Variants in VPS8 observed in about 807,000 individuals in gnomAD.
The protein encoded by VPS8 is VPS8 subunit of CORVET complex.
Under a neutral mutation model 216.4 loss-of-function variants are expected in VPS8, and 129 were observed. The observed-to-expected ratio is 0.60, with a 90% confidence interval of 0.52 to 0.69. The LOEUF (loss-of-function observed/expected upper bound fraction) is 0.69. Among genes scored for constraint, VPS8 ranks in the 30% least tolerant of loss-of-function variants. The probability of loss-of-function intolerance (pLI) is 0.00; values close to 1 mark genes in which losing one functional copy is unlikely to be tolerated. For synonymous variants in VPS8, 571 were observed against 565.4 expected (o/e 1.01, Z -0.14); for missense variants, 1,531 against 1,683.5 (o/e 0.91, Z 1.59).
intron 21 of VPS8, among the ~76,000 whole-genome samples, chr3:184,873,607 G>A (rs1345868654): frequency 6.6e-6 from 1 of 151,988 alleles, no homozygotes; most frequent in Non-Finnish European, 1.5e-5. Context: ...TTCAAGCAGT[G>A]GGCTTCAGGG....
At chr3:184,839,849 C>T (rs1021478157) in intron 7 of VPS8, 97 bp downstream of exon 7, 1 of 1,459,094 alleles carries the variant, frequency 6.9e-7, no homozygotes, top group Non-Finnish European at 9.0e-7. Flanking sequence ...ACTTGATTTT[C>T]TTGAACAAAA....
chr3:184,958,675 G>A (rs1746007864), intron 37 of VPS8, among the ~76,000 whole-genome samples: 1 of 152,148 alleles, frequency 6.6e-6, no homozygotes, highest in African/African-American at 2.4e-5. Flanking sequence ...GTGATTCCAA[G>A]TCAGAAAAAT....
At chr3:184,820,305 C>G (rs1025127889) in intron 1 of VPS8, among the ~76,000 whole-genome samples, 3 of 152,168 alleles carry the variant, frequency 2.0e-5, no homozygotes, top group Non-Finnish European at 4.4e-5. Flanking sequence ...TAGAGGCTGC[C>G]TGCATCCTTG....
At chr3:184,956,727 A>G (rs956365823) in intron 36 of VPS8, among the ~76,000 whole-genome samples, 1 of 152,186 alleles carries the variant, frequency 6.6e-6, no homozygotes, top group African/African-American at 2.4e-5. Flanking sequence ...TTGTGTAGGC[A>G]TTGTGAATAG....
chr3:184,868,853 A>C, intron 18 of VPS8, 93 bp from the exon 19 acceptor site: 2 of 1,067,492 alleles, frequency 1.9e-6, no homozygotes, highest in Non-Finnish European at 2.7e-6. Flanking sequence ...GCCACTAAGC[A>C]GCAACTTCTG....
At position 185,019,323 on chromosome 3, in the gene VPS8, C is replaced by G. The variant is rs188084899; in HGVS notation, c.4003-5013C>G. ...ACCAGCTCGGTCAGGGAGACCCTAA[C>G]CCAGCGGCACTAGAGGAATTAAAGA... On this transcript the variant is annotated intron_variant, in intron 45 of 47. Coordinates refer to ENST00000625842, the MANE Select transcript of VPS8 (RefSeq NM_001009921.3). Among the ~76,000 whole-genome samples the G allele has an allele frequency of 3.6e-3, 550 of 152,068 alleles. 3 individuals carry two copies. The highest frequency in any genetic ancestry group is 3.0e-3 in the Non-Finnish European group (201 of 68,008).
chr3:184,916,968 T>G (rs1369589695), intron 28 of VPS8, among the ~76,000 whole-genome samples: 3 of 152,170 alleles, frequency 2.0e-5, no homozygotes, highest in Non-Finnish European at 4.4e-5. Flanking sequence ...TTATCTTCAT[T>G]AGGGGATGCA....
In VPS8 at chr3:184,894,544, A is replaced by G. The variant is rs562282872; in HGVS notation, c.1782-159A>G. Among the ~76,000 whole-genome samples, 836 of 149,014 alleles carry G rather than the reference A, an allele frequency of 5.6e-3. 3 individuals carry two copies. The highest frequency in any genetic ancestry group is 9.6e-3 in the Non-Finnish European group (643 of 67,304). On this transcript the variant is annotated intron_variant, in intron 22 of 47. Transcript: ENST00000625842. ...TATATATATATATACACACACACAC[A>G]AAGTTTTTGCAGTATAAAACTCTGT...
intron 2 of VPS8, 83 bp from the exon 3 acceptor site, chr3:184,826,079 TG>T: frequency 1.1e-6 from 1 of 912,066 alleles, no homozygotes; most frequent in Non-Finnish European, 1.7e-6. Context: ...TTTTAATTGA[TG>T]GTGGTTTTAA....
chr3:184,956,042 G>C (rs1028206928), intron 36 of VPS8, among the ~76,000 whole-genome samples: 43 of 151,844 alleles, frequency 2.8e-4, no homozygotes, highest in African/African-American at 1.0e-3. Flanking sequence ...CCATCAGCAA[G>C]TATTGAAAGT....
chr3:184,936,122 G>A (rs1474192242), intron 34 of VPS8, 124 bp from the exon 35 acceptor site: 5 of 698,266 alleles, frequency 7.2e-6, no homozygotes, highest in Non-Finnish European at 1.2e-5. Context: ...CCTATATCAA[G>A]GTCTGCTGAA....
chr3:184,814,129 CT>C (rs1020946740), intron 1 of VPS8, among the ~76,000 whole-genome samples: 45 of 152,310 alleles, frequency 3.0e-4, no homozygotes, highest in Non-Finnish European at 5.7e-4. Context: ...AGCAATTATA[CT>C]TTTTTAGTCA....
chr3:185,004,367 G>A (rs1350015583), intron 45 of VPS8, among the ~76,000 whole-genome samples: 1 of 151,664 alleles, frequency 6.6e-6, no homozygotes, highest in East Asian at 1.9e-4. Flanking sequence ...GCAATCGCAG[G>A]CACTCGGCAG....
At chr3:184,928,313 A>G (rs1330246177) in intron 31 of VPS8, 138 bp from the exon 32 acceptor site, 1 of 626,416 alleles carries the variant, frequency 1.6e-6, no homozygotes, top group African/African-American at 1.9e-5. Context: ...CCCCTTCCAT[A>G]TGTGACAGCA....
At chr3:185,037,360 G>A (rs967622158) in intron 46 of VPS8, among the ~76,000 whole-genome samples, 4 of 152,114 alleles carry the variant, frequency 2.6e-5, no homozygotes, top group Middle Eastern at 3.4e-3. Flanking sequence ...TTCTCTTGCT[G>A]TTTTCAAGTT....
Position 184,854,224 on chromosome 3 carries a change from G to A in VPS8, c.1035+51G>A, listed in dbSNP as rs910579765. 3.1e-6 allele frequency: 5 copies of A among 1,594,536 alleles called. No individual in the cohort carries two copies. The African/African-American group carries it at 5.4e-5, about 17-fold the overall frequency. ...GCCAAAGGAAGGACCATGTCAGGAGGTTGAGAGAGATGGCTTGCAAGGGGT... is the reference window on the plus strand; with the variant it reads ...GCCAAAGGAAGGACCATGTCAGGAGATTGAGAGAGATGGCTTGCAAGGGGT... On this transcript the variant is annotated intron_variant, in intron 13 of 47. Coordinates refer to ENST00000625842, the MANE Select transcript of VPS8 (RefSeq NM_001009921.3).
At chr3:184,851,480 T>C (rs960993551) in intron 10 of VPS8, among the ~76,000 whole-genome samples, 1 of 152,110 alleles carries the variant, frequency 6.6e-6, no homozygotes, top group African/African-American at 2.4e-5. Context: ...TGTGTGTGTG[T>C]GTGCGTTTAT....
At chr3:184,929,078 C>T (rs1209851369) in intron 32 of VPS8, among the ~76,000 whole-genome samples, 1 of 152,162 alleles carries the variant, frequency 6.6e-6, no homozygotes, top group African/African-American at 2.4e-5. Context: ...TTTTTATAAA[C>T]ATAATATTTA....
chr3:184,996,563 A>G lies in VPS8; in HGVS notation c.3836+62A>G, dbSNP rs558317132. 9.6e-5 allele frequency: 145 copies of G among 1,512,080 alleles called. 2 individuals are homozygous for G. In the South Asian group the frequency reaches 1.3e-3, roughly 13 times the overall value. The allele number at this position is 1,512,080 out of a possible 1,614,324, so 93.7% of individuals were successfully genotyped here. A position where few individuals can be genotyped will look rare whatever the true frequency, so the allele number is the denominator to read the frequency against. On this transcript the variant is annotated intron_variant, in intron 44 of 47. Transcript: ENST00000625842. Reference sequence around the variant, plus strand: ...TGTACATCTGTGGCATTACCAGGCAAGAATCCACATGGATACACGGGTAGT... The same window carrying G: ...TGTACATCTGTGGCATTACCAGGCAGGAATCCACATGGATACACGGGTAGT...
Sources: gnomAD v4.1 joint callset for allele counts (sites outside exome capture counted in the v4.1 genomes callset) on GRCh38, gnomAD v4.1.1 for gene constraint, MANE v1.5 for transcripts, NCBI Gene and HGNC (gene_info 2026-07-23, HGNC 2026-07-21) for gene names.